LYZL2: variants seen among roughly 807,000 people sequenced by gnomAD.
The protein encoded by LYZL2 is lysozyme-like protein 2.
LYZL2 carries 13 observed loss-of-function variants against 17.1 expected under a neutral mutation model. The observed-to-expected ratio is 0.76, with a 90% CI of 0.49 to 1.21. LYZL2 has a LOEUF of 1.21. Among genes scored for constraint, LYZL2 ranks in the 50% most tolerant of loss-of-function variants. LYZL2 has a pLI of 0.00. For synonymous variants in LYZL2, 63 were observed against 74.4 expected (o/e 0.85, Z 0.79); for missense variants, 166 against 189.2 (o/e 0.88, Z 0.72).
chr10:30,620,423 C>T (rs1838602370), intron 3 of LYZL2, among the ~76,000 whole-genome samples: 1 of 152,240 alleles, frequency 6.6e-6, no homozygotes, highest in Non-Finnish European at 1.5e-5. Context: ...ATCTTCCTCT[C>T]TCAGGGTGTA....
intron 3 of LYZL2, among the ~76,000 whole-genome samples, chr10:30,616,004 A>G (rs967410084): frequency 2.0e-5 from 3 of 152,238 alleles, no homozygotes; most frequent in Non-Finnish European, 4.4e-5. Flanking sequence ...TTACAATTGA[A>G]ATGTACTACT....
chr10:30,612,952 G>T, intron 3 of LYZL2, 52 bp from the exon 4 acceptor site: 1 of 1,391,896 alleles, frequency 7.2e-7, no homozygotes, highest in Non-Finnish European at 1.0e-6. Context: ...GTTGGAGAGG[G>T]ACCCCAACTC....
chr10:30,611,494 C>A (rs1838432803), downstream of LYZL2, among the ~76,000 whole-genome samples: 1 of 94,542 alleles, frequency 1.1e-5, no homozygotes, highest in Non-Finnish European at 1.9e-5. Flanking sequence ...GCACAAGACT[C>A]TGAAAAAAAA....
chr10:30,616,530 AAAC>A lies in LYZL2; in HGVS notation c.299-3633_299-3631del, dbSNP rs760438006. On this transcript the variant is annotated intron_variant, in intron 3 of 4. Transcript: ENST00000647634. The stretch of plus-strand genomic sequence containing the variant: ...TCCATCTCAAAACAAACAATCAAAC[AAAC>A]AACAACAAAAAAGTCTTTTGCCTAT... Among the ~76,000 whole-genome samples the A allele has an allele frequency of 3.5e-4, 54 of 152,358 alleles. No homozygotes were observed. The East Asian group carries it at 9.5e-3, about 27-fold the overall frequency.
At chr10:30,620,329 GA>G (rs1838600720) in intron 3 of LYZL2, among the ~76,000 whole-genome samples, 1 of 152,198 alleles carries the variant, frequency 6.6e-6, no homozygotes, top group South Asian at 2.1e-4. Context: ...ACCCGCTTAT[GA>G]GTAACCATGG....
the LYZL2 span, among the ~76,000 whole-genome samples, chr10:30,606,671 G>A: frequency 8.5e-5 from 13 of 152,098 alleles, no homozygotes; most frequent in Non-Finnish European, 1.9e-4. Flanking sequence ...CTGTACTCAC[G>A]GAGCTAGTCT....
At chr10:30,624,747 C>A (rs1268883635) in intron 3 of LYZL2, among the ~76,000 whole-genome samples, 2 of 152,136 alleles carry the variant, frequency 1.3e-5, no homozygotes, top group African/African-American at 4.8e-5. Context: ...GGGGTCTCGC[C>A]CAGGCTGGTC....
intron 1 of LYZL2, among the ~76,000 whole-genome samples, chr10:30,627,898 G>A (rs1288894858): frequency 2.6e-5 from 4 of 152,202 alleles, no homozygotes; most frequent in African/African-American, 7.2e-5. Flanking sequence ...GGTGGCTCAC[G>A]CCTGTAATCC....
At chr10:30,608,844 A>T (rs1838402201), downstream of LYZL2, among the ~76,000 whole-genome samples, 1 of 152,142 alleles carries the variant, frequency 6.6e-6, no homozygotes, top group Admixed American at 6.5e-5. Context: ...TTTTTAATTA[A>T]TTAATTTTTT....
chr10:30,606,912 C>CTT (rs5784208), downstream of LYZL2, among the ~76,000 whole-genome samples: 6,533 of 144,766 alleles, frequency 0.045, 170 homozygotes, highest in African/African-American at 0.05. Flanking sequence ...TACTTTTGGT[C>CTT]TTTTTTTTTT....
chr10:30,621,687 T>C (rs1838622037), intron 3 of LYZL2, among the ~76,000 whole-genome samples: 1 of 152,100 alleles, frequency 6.6e-6, no homozygotes, highest in East Asian at 1.9e-4. Flanking sequence ...AGTACAGATA[T>C]TTTCAGACAG....
At chr10:30,628,236 T>C (rs1035667401) in intron 1 of LYZL2, among the ~76,000 whole-genome samples, 4 of 152,198 alleles carry the variant, frequency 2.6e-5, no homozygotes, top group African/African-American at 9.7e-5. Flanking sequence ...TTTCTTTTCT[T>C]GATGCATTTC....
chr10:30,616,716 A>G (rs2492795), intron 3 of LYZL2, among the ~76,000 whole-genome samples: 124,776 of 152,192 alleles, frequency 0.82, 51,722 homozygotes, highest in Middle Eastern at 0.9. Context: ...TTTTATCCCC[A>G]TAAACCAAGT....
intron 3 of LYZL2, among the ~76,000 whole-genome samples, chr10:30,615,110 T>A (rs1394729393): frequency 6.6e-6 from 1 of 152,174 alleles, no homozygotes; most frequent in African/African-American, 2.4e-5. Context: ...ATGGCAGGCA[T>A]TAGCAACATG....
At chr10:30,625,185 G>A (rs1838683504) in intron 3 of LYZL2, among the ~76,000 whole-genome samples, 1 of 152,294 alleles carries the variant, frequency 6.6e-6, no homozygotes, top group South Asian at 2.1e-4. Flanking sequence ...CCAGCCTAGA[G>A]GACTGTAAGG....
intron 3 of LYZL2, among the ~76,000 whole-genome samples, chr10:30,622,556 C>T (rs1473643227): frequency 1.0e-5 from 1 of 99,242 alleles, no homozygotes; most frequent in African/African-American, 3.8e-5. Context: ...CTCAACAAAA[C>T]AAAAAAAGAA....
At chr10:30,612,170 A>G (rs1473147721) in intron 4 of LYZL2, 146 bp from the exon 5 acceptor site, 2 of 991,260 alleles carry the variant, frequency 2.0e-6, no homozygotes, top group Non-Finnish European at 3.0e-6. Context: ...GGACGCTGTC[A>G]TTTTGCCTAG....
intron 3 of LYZL2, among the ~76,000 whole-genome samples, chr10:30,618,997 C>A (rs1838577731): frequency 6.6e-6 from 1 of 152,124 alleles, no homozygotes; most frequent in African/African-American, 2.4e-5. Context: ...ACAAACAACC[C>A]CACCAACAAG....
chr10:30,611,702 A>AAAAGAAAGAAAGAAAGAAAAG, downstream of LYZL2: 1 of 390,018 alleles, frequency 2.6e-6, no homozygotes, highest in Non-Finnish European at 4.2e-6. Flanking sequence ...GAAAGAAAGA[A>AAAAGAAAGAAAGAAAGAAAAG]AAAGAAAGAA....
Sources: allele counts gnomAD v4.1 joint callset (sites outside exome capture counted in the v4.1 genomes callset), GRCh38; gene constraint gnomAD v4.1.1; transcripts MANE v1.5; gene names NCBI Gene and HGNC (gene_info 2026-07-23, HGNC 2026-07-21).